HERC3: variants seen among roughly 807,000 people sequenced by gnomAD.
HERC3 encodes the protein probable E3 ubiquitin-protein ligase HERC3.
A neutral mutation model predicts 129.9 loss-of-function variants in HERC3; 58 were observed. The ratio of observed to expected loss-of-function variants is 0.45; its 90% CI spans 0.36 to 0.56. The LOEUF is 0.56. HERC3 is among the 20% of genes least tolerant of loss of function. The pLI is 0.00. For missense variants in HERC3, 835 were observed against 1,244.2 expected, an observed-to-expected ratio of 0.67 and a Z score of 4.95; for synonymous variants, 430 against 451.0, an observed-to-expected ratio of 0.95 and a Z score of 0.59.
chr4:88,635,811 C>T (rs1727318834), intron 3 of HERC3, among the ~76,000 whole-genome samples: 1 of 152,108 alleles, frequency 6.6e-6, no homozygotes, highest in Non-Finnish European at 1.5e-5. Context: ...TCAGCAGAAA[C>T]CCTACAAGCC....
chr4:88,545,933 G>C, the HERC3 span, among the ~76,000 whole-genome samples: 1 of 152,000 alleles, frequency 6.6e-6, no homozygotes, highest in African/African-American at 2.4e-5. Flanking sequence ...CTTAATAGTG[G>C]TATAAATGTG....
rs778520042 is a variant in HERC3, at chr4:88,668,039, A to G, written c.1591A>G (p.Met531Val). 3.7e-6 allele frequency: 6 copies of G among 1,613,640 alleles called. No individual in the cohort carries two copies. In the East Asian group the frequency reaches 8.9e-5, roughly 24 times the overall value. Residue 531 changes from methionine (M) to valine (V), a missense_variant, in exon 14 of 26, where the codon ATG (methionine) becomes GTG (valine). Physicochemically the swap from Met to Val is conservative, Grantham distance 21. Coordinates refer to ENST00000402738, the MANE Select transcript of HERC3 (RefSeq NM_014606.3). ...TATAACATTGACTATTCCCTTGGCTATGGCCATTCTTCGGCTGGATACAAA... is the reference window on the plus strand; with the variant it reads ...TATAACATTGACTATTCCCTTGGCTGTGGCCATTCTTCGGCTGGATACAAA... ...YYITLTIPLA[M>V]AILRLDTNPS...
rs771388611 is a variant in HERC3, at chr4:88,656,030, G to A, written c.1064G>A (p.Arg355Gln). 5 of 1,613,854 alleles carry A rather than the reference G, an allele frequency of 3.1e-6. No individual in the cohort carries two copies. In the East Asian group the frequency reaches 6.7e-5, roughly 22 times the overall value. The change falls in exon 9 of 26, where the codon CGA (arginine) becomes CAA (glutamine). Residue 355 changes from arginine (R) to glutamine (Q), a missense_variant. By Grantham distance (43) the Arg-to-Gln change is conservative. Coordinates refer to ENST00000402738, the MANE Select transcript of HERC3 (RefSeq NM_014606.3). ...WAAHSGQLSA[R>Q]ADRFKYHIVK... ...GCCCACAGTGGCCAGCTTTCAGCCC[G>A]AGCTGGTAAGAATGATTGTCTCTGG...
At chr4:88,693,621 T>C in intron 23 of HERC3, 1 of 970,242 alleles carries the variant, frequency 1.0e-6, no homozygotes, top group Non-Finnish European at 1.2e-6. Flanking sequence ...AAATGGTTAA[T>C]TTTATGTTAT....
At chr4:88,611,317 T>C (rs1724291813) in intron 3 of HERC3, among the ~76,000 whole-genome samples, 6 of 152,230 alleles carry the variant, frequency 3.9e-5, no homozygotes, top group Admixed American at 3.9e-4. Flanking sequence ...ACTTGTTTTC[T>C]GTGTTTGCTT....
chr4:88,560,747 T>A, the HERC3 span, among the ~76,000 whole-genome samples: 1 of 152,144 alleles, frequency 6.6e-6, no homozygotes, highest in African/African-American at 2.4e-5. Context: ...TATCCATTTT[T>A]AGTTGATTTT....
intron 3 of HERC3, among the ~76,000 whole-genome samples, chr4:88,647,369 C>A (rs1728805427): frequency 6.6e-6 from 1 of 152,112 alleles, no homozygotes; most frequent in Non-Finnish European, 1.5e-5. Flanking sequence ...GGTTAGGTAC[C>A]AAGAGACAGG....
the HERC3 span, chr4:88,527,198 GTCTT>G: frequency 2.6e-5 from 4 of 151,860 alleles, no homozygotes; most frequent in Admixed American, 1.3e-4. Flanking sequence ...AGTATGTCCT[GTCTT>G]TCTTTCTTTT....
intron 2 of HERC3, among the ~76,000 whole-genome samples, chr4:88,601,773 G>GAATTATAATTAAAATGTATATTT (rs1444346062): frequency 8.6e-5 from 13 of 150,466 alleles, no homozygotes; most frequent in African/African-American, 2.2e-4. Flanking sequence ...AGGATATTCA[G>GAATTATAATTAAAATGTATATTT]GGGCCGGGCG....
chr4:88,658,545 A>G (rs1021682503), intron 10 of HERC3, 54 bp downstream of exon 10: 4 of 889,354 alleles, frequency 4.5e-6, no homozygotes, highest in African/African-American at 3.4e-5. Context: ...GTGAACCAAC[A>G]TTTCTTTTAA....
chr4:88,536,943 G>A, the HERC3 span, among the ~76,000 whole-genome samples: 5 of 152,126 alleles, frequency 3.3e-5, no homozygotes, highest in East Asian at 1.9e-4. Context: ...ATAAAAATAC[G>A]ACCAAGAATT....
chr4:88,584,906 C>T, the HERC3 span, among the ~76,000 whole-genome samples: 2 of 152,192 alleles, frequency 1.3e-5, no homozygotes, highest in Admixed American at 1.3e-4. Flanking sequence ...AATGGAATAG[C>T]ATATTTCACC....
At chr4:88,541,949 G>A in the HERC3 span, among the ~76,000 whole-genome samples, 1 of 152,204 alleles carries the variant, frequency 6.6e-6, no homozygotes, top group Admixed American at 6.5e-5. Context: ...TTAAAGCAGT[G>A]TGTGGAGGGA....
chr4:88,528,165 GT>G, the HERC3 span: 1 of 209,866 alleles, frequency 4.8e-6, no homozygotes, highest in Non-Finnish European at 9.9e-6. Flanking sequence ...GGCCCTGGGG[GT>G]GTGACCTGCA....
intron 16 of HERC3, among the ~76,000 whole-genome samples, chr4:88,674,189 G>A (rs942261299): frequency 4.6e-5 from 7 of 152,096 alleles, no homozygotes; most frequent in South Asian, 2.1e-4. Context: ...ACAAGCTGCC[G>A]AAGCTGGGTA....
At chr4:88,666,277 C>T (rs1201993610) in intron 12 of HERC3, among the ~76,000 whole-genome samples, 4 of 152,118 alleles carry the variant, frequency 2.6e-5, no homozygotes, top group Admixed American at 2.0e-4. Flanking sequence ...ACATAGGATG[C>T]ATCTCAGGAA....
chr4:88,606,016 C>T lies in HERC3; in HGVS notation c.193C>T (p.Gln65Ter), dbSNP rs763499035. Residue 65 changes from glutamine to a stop codon, truncating the protein, a stop_gained, in exon 3 of 26, where the codon CAA becomes TAA. Coordinates refer to ENST00000402738, the MANE Select transcript of HERC3 (RefSeq NM_014606.3). LOFTEE classifies it high-confidence loss of function. ...CACATGTGGTTTGAACACCAAGGGG[C>T]AACTGGGCCATGAGAGGGAAGGAAA... ...VYTCGLNTKG[Q>*]LGHEREGNKP... 6.2e-7 allele frequency: 1 copy of T among 1,613,882 alleles called. No homozygotes were observed. The highest frequency in any genetic ancestry group is 8.5e-7 in the Non-Finnish European group (1 of 1,179,854).
At chr4:88,549,508 T>C in the HERC3 span, among the ~76,000 whole-genome samples, 1 of 152,150 alleles carries the variant, frequency 6.6e-6, no homozygotes, top group Admixed American at 6.5e-5. Context: ...TATTTTCATC[T>C]TTATGTCCAT....
chr4:88,549,360 A>G, the HERC3 span, among the ~76,000 whole-genome samples: 5 of 151,872 alleles, frequency 3.3e-5, no homozygotes, highest in African/African-American at 4.8e-5. Context: ...GAGTATATAT[A>G]CAGGTTTGCT....
Sources: gnomAD v4.1 joint callset for allele counts (sites outside exome capture counted in the v4.1 genomes callset) on GRCh38, gnomAD v4.1.1 for gene constraint, MANE v1.5 for transcripts, NCBI Gene and HGNC (gene_info 2026-07-23, HGNC 2026-07-21) for gene names.